NSUN4: variants seen among roughly 807,000 people sequenced by gnomAD.
The protein encoded by NSUN4 is NOP2/Sun RNA methyltransferase 4.
A neutral mutation model predicts 43.8 loss-of-function variants in NSUN4; 31 were observed. The observed-to-expected ratio is 0.71, with a 90% CI of 0.53 to 0.96. The LOEUF (loss-of-function observed/expected upper bound fraction) is 0.96. NSUN4 is among the 40% of genes least tolerant of loss of function. The probability of loss-of-function intolerance (pLI) is 0.00; values close to 1 mark genes in which losing one functional copy is unlikely to be tolerated. For missense variants in NSUN4, 439 were observed against 475.6 expected, an observed-to-expected ratio of 0.92 and a Z score of 0.72; for synonymous variants, 167 against 184.1, an observed-to-expected ratio of 0.91 and a Z score of 0.75.
intron 3 of NSUN4, among the ~76,000 whole-genome samples, chr1:46,349,900 A>G (rs1662854984): frequency 6.6e-6 from 1 of 152,212 alleles, no homozygotes; most frequent in Non-Finnish European, 1.5e-5. Flanking sequence ...AGGAGGAGGA[A>G]GAAGGGCAAA....
chr1:46,352,635 G>T (rs148775402), intron 3 of NSUN4, among the ~76,000 whole-genome samples: 12 of 152,254 alleles, frequency 7.9e-5, no homozygotes, highest in African/African-American at 2.9e-4. Context: ...GTCTTACTTG[G>T]TCTGCTTTAT....
chr1:46,382,472 C>T, the NSUN4 span, among the ~76,000 whole-genome samples: 2 of 152,208 alleles, frequency 1.3e-5, no homozygotes, highest in African/African-American at 4.8e-5. Context: ...TCCACTCAGC[C>T]ACCTGTGTGA....
the NSUN4 span, among the ~76,000 whole-genome samples, chr1:46,377,923 G>A: frequency 1.3e-5 from 2 of 152,138 alleles, no homozygotes; most frequent in African/African-American, 4.8e-5. Context: ...AGAAGGCATG[G>A]GTGAAAACAG....
At chr1:46,343,344 C>T (rs11802856) in intron 1 of NSUN4, 7,216 of 399,866 alleles carry the variant, frequency 0.018, 459 homozygotes, top group African/African-American at 0.13. Flanking sequence ...CATTGTCCCC[C>T]GAGTCCGGGC....
the NSUN4 span, among the ~76,000 whole-genome samples, chr1:46,383,545 T>TCC: frequency 7.1e-6 from 1 of 139,908 alleles, no homozygotes; most frequent in African/African-American, 2.7e-5. Context: ...AAGCTCCGCC[T>TCC]CCCGGGTTCA....
chr1:46,380,898 T>C, the NSUN4 span, among the ~76,000 whole-genome samples: 1 of 152,234 alleles, frequency 6.6e-6, no homozygotes, highest in Non-Finnish European at 1.5e-5. Flanking sequence ...TTACTATACA[T>C]ATGCTAGGCC....
At chr1:46,347,222 G>A in intron 3 of NSUN4, 147 bp downstream of exon 3, 1 of 712,152 alleles carries the variant, frequency 1.4e-6, no homozygotes, top group South Asian at 1.9e-5. Context: ...CGGACCACCT[G>A]ATGTCAGGAG....
chr1:46,341,764 A>C (rs1219168110), intron 1 of NSUN4: 6 of 1,231,750 alleles, frequency 4.9e-6, no homozygotes, highest in Non-Finnish European at 6.1e-6. Flanking sequence ...TCCAGCCCTT[A>C]TTTTGAGCAG....
chr1:46,351,381 C>A (rs1363073888), intron 3 of NSUN4, among the ~76,000 whole-genome samples: 2 of 152,090 alleles, frequency 1.3e-5, no homozygotes, highest in East Asian at 1.9e-4. Flanking sequence ...GAAATGTAGT[C>A]TTTTGGGGCA....
intron 1 of NSUN4, chr1:46,343,875 T>A: frequency 2.5e-6 from 1 of 399,140 alleles, no homozygotes; most frequent in Non-Finnish European, 4.4e-6. Flanking sequence ...GTCCCCAACA[T>A]AGCAGGAGCC....
chr1:46,383,048 C>A, the NSUN4 span, among the ~76,000 whole-genome samples: 1 of 152,170 alleles, frequency 6.6e-6, no homozygotes, highest in Admixed American at 6.5e-5. Context: ...GGACCAGGTC[C>A]CCAGACTCCC....
At chr1:46,374,957 A>G in the NSUN4 span, among the ~76,000 whole-genome samples, 6 of 152,238 alleles carry the variant, frequency 3.9e-5, no homozygotes, top group South Asian at 1.0e-3. Flanking sequence ...TGAGTAATGC[A>G]TATGTTATTA....
the NSUN4 span, among the ~76,000 whole-genome samples, chr1:46,381,926 C>T: frequency 1.3e-5 from 2 of 152,174 alleles, no homozygotes; most frequent in Non-Finnish European, 2.9e-5. Context: ...TGAGTAGGAA[C>T]AGAGGCACTC....
At chr1:46,383,297 G>C in the NSUN4 span, among the ~76,000 whole-genome samples, 2 of 150,520 alleles carry the variant, frequency 1.3e-5, no homozygotes, top group African/African-American at 4.9e-5. Flanking sequence ...CTGGGCTGGC[G>C]CACCGGAAGC....
downstream of NSUN4, among the ~76,000 whole-genome samples, chr1:46,366,935 A>G (rs972533740): frequency 6.6e-6 from 1 of 152,060 alleles, no homozygotes; most frequent in Non-Finnish European, 1.5e-5. Context: ...GATAGCTTGG[A>G]TCTATGGTTT....
the NSUN4 span, among the ~76,000 whole-genome samples, chr1:46,371,273 G>T: frequency 4.0e-5 from 6 of 151,164 alleles, no homozygotes; most frequent in African/African-American, 1.2e-4. Flanking sequence ...GATTACAGGT[G>T]CCTGTCACCA....
At chr1:46,345,680 T>C (rs559801484) in intron 2 of NSUN4, among the ~76,000 whole-genome samples, 18 of 152,252 alleles carry the variant, frequency 1.2e-4, no homozygotes, top group Non-Finnish European at 2.4e-4. Flanking sequence ...ACAAACTTGG[T>C]ATTAGACTGG....
At chr1:46,379,810 G>A in the NSUN4 span, among the ~76,000 whole-genome samples, 2 of 152,138 alleles carry the variant, frequency 1.3e-5, no homozygotes, top group Non-Finnish European at 2.9e-5. Context: ...TCCTCCCACA[G>A]CAGAAGAACA....
chr1:46,371,798 C>G, the NSUN4 span, among the ~76,000 whole-genome samples: 3 of 152,038 alleles, frequency 2.0e-5, no homozygotes, highest in African/African-American at 7.2e-5. Flanking sequence ...ATGGCAAAAG[C>G]AGGAGCAAGC....
Sources: gnomAD v4.1 joint callset for allele counts (sites outside exome capture counted in the v4.1 genomes callset) on GRCh38, gnomAD v4.1.1 for gene constraint, MANE v1.5 for transcripts, NCBI Gene and HGNC (gene_info 2026-07-23, HGNC 2026-07-21) for gene names.